The following ABCB4 variants were observed in gnomAD, a reference collection of about 807,000 sequenced individuals.
The protein encoded by ABCB4 is ATP binding cassette subfamily B member 4, also known as phosphatidylcholine translocator ABCB4.
Under a neutral mutation model 145.7 loss-of-function variants are expected in ABCB4, and 76 were observed. The observed-to-expected ratio is 0.52, with a 90% confidence interval of 0.43 to 0.63. The LOEUF (loss-of-function observed/expected upper bound fraction) is 0.63, where lower values mean the gene tolerates loss of function less well. ABCB4 is among the 30% of genes least tolerant of loss of function. The pLI is 0.00. For missense variants in ABCB4, 1,234 were observed against 1,553.1 expected, an observed-to-expected ratio of 0.79 and a Z score of 3.45; for synonymous variants, 517 against 566.8, an observed-to-expected ratio of 0.91 and a Z score of 1.25.
chr7:87,408,121 T>C lies in ABCB4; in HGVS notation c.3195A>G (p.Leu1065=). 1 of 1,614,250 alleles carries C rather than the reference T, an allele frequency of 6.2e-7. No homozygotes were observed. Residue 1065 remains leucine (L), a synonymous_variant, in exon 25 of 28, where the codon CTA becomes CTG. Transcript: ENST00000649586. ...LSLEVKKGQT[L]ALVGSSGCGK... ...CACAGCCACTGCTGCCCACCAGGGC[T>C]AGTGTCTGGCCTTTCTTCACCTCCA...
the ABCB4 span, chr7:87,369,762 T>C: frequency 7.6e-4 from 120 of 157,972 alleles, no homozygotes; most frequent in Middle Eastern, 3.2e-3. Flanking sequence ...TAGTTTAGTG[T>C]GTTCCATTGT....
the ABCB4 span, among the ~76,000 whole-genome samples, chr7:87,388,394 A>C: frequency 2.0e-5 from 3 of 152,230 alleles, no homozygotes; most frequent in African/African-American, 7.2e-5. Flanking sequence ...GGCTACAGTA[A>C]CCAAAACAGC....
At chr7:87,389,089 G>A in the ABCB4 span, among the ~76,000 whole-genome samples, 175 of 152,344 alleles carry the variant, frequency 1.1e-3, 1 homozygote, top group Non-Finnish European at 9.0e-4. Flanking sequence ...TCTTATGCCA[G>A]TTAGAATGGC....
intron 6 of ABCB4, 80 bp downstream of exon 6, chr7:87,452,864 T>G: frequency 6.7e-7 from 1 of 1,487,586 alleles, no homozygotes; most frequent in South Asian, 1.1e-5. Flanking sequence ...GTAACATTTT[T>G]CATTTAAAAT....
At chr7:87,398,529 T>A, downstream of ABCB4, 1 of 1,613,730 alleles carries the variant, frequency 6.2e-7, no homozygotes, top group Non-Finnish European at 8.5e-7. Flanking sequence ...CACAGGTTTG[T>A]TGTGGCCTGT....
At chr7:87,408,001 A>G in intron 25 of ABCB4, 36 bp downstream of exon 25, 4 of 1,610,840 alleles carry the variant, frequency 2.5e-6, no homozygotes, top group Non-Finnish European at 3.4e-6. Context: ...CAATTAAAAT[A>G]TAGCCTTCAA....
intron 3 of ABCB4, among the ~76,000 whole-genome samples, chr7:87,471,055 C>A (rs1394526130): frequency 6.6e-6 from 1 of 152,114 alleles, no homozygotes; most frequent in Non-Finnish European, 1.5e-5. Context: ...ATGATGAGTT[C>A]ATGTCCTTTG....
At position 87,453,415 on chromosome 7, in the gene ABCB4, C is replaced by G. The variant is rs535483317; in HGVS notation, c.345-280G>C. Among the ~76,000 whole-genome samples the G allele has an allele frequency of 3.3e-5, 5 of 152,168 alleles. No homozygotes were observed. The East Asian group carries it at 9.6e-4, about 29-fold the overall frequency. ...GCCAGGCTGGTCTCGAACTCCTGAC[C>G]TCAAGTGATCTGCTCACCTCCGCCT... On this transcript the variant is annotated intron_variant, in intron 5 of 27. Transcript: ENST00000649586.
intron 11 of ABCB4, 82 bp downstream of exon 11, chr7:87,443,581 C>G (rs1397363343): frequency 6.5e-7 from 1 of 1,527,138 alleles, no homozygotes; most frequent in Non-Finnish European, 9.0e-7. Context: ...ACATAAGTAT[C>G]AAAATAATAG....
At chr7:87,409,474 C>G in intron 23 of ABCB4, 82 bp from the exon 24 acceptor site, 1 of 1,442,216 alleles carries the variant, frequency 6.9e-7, no homozygotes, top group South Asian at 1.2e-5. Flanking sequence ...ATAGTGCTTA[C>G]CAGTATTTTT....
At chr7:87,439,975 A>G in intron 13 of ABCB4, 138 bp from the exon 14 acceptor site, 3 of 1,294,692 alleles carry the variant, frequency 2.3e-6, no homozygotes, top group Non-Finnish European at 3.2e-6. Context: ...AAGATAAATG[A>G]ATTCTGAATT....
At chr7:87,461,688 G>C (rs1318867107) in intron 4 of ABCB4, among the ~76,000 whole-genome samples, 1 of 152,050 alleles carries the variant, frequency 6.6e-6, no homozygotes. Flanking sequence ...TTTTATAGGA[G>C]TTTGCTTTAA....
In ABCB4 at chr7:87,406,404, A is replaced by G; in HGVS notation, c.3370T>C (p.Cys1124Arg). The G allele has an allele frequency of 6.2e-7, 1 of 1,614,152 alleles. No individual in the cohort carries two copies. The highest frequency in any genetic ancestry group is 1.1e-5 in the South Asian group (1 of 91,064). ...IVSQEPILFD[C>R]SIAENIAYGD... is the part of the protein sequence containing the mutation. ...TAGGCAATATTCTCGGCAATGCTGC[A>G]GTCAAATAGGATAGGCTCCTGAGAC... The change falls in exon 26 of 28, where the codon TGC becomes CGC. Residue 1124 changes from cysteine (C) to arginine (R), a missense_variant. Transcript: ENST00000649586.
chr7:87,445,691 T>C (rs1382386477), intron 9 of ABCB4, among the ~76,000 whole-genome samples: 1 of 152,220 alleles, frequency 6.6e-6, no homozygotes, highest in Admixed American at 6.5e-5. Context: ...TAATTTGGCT[T>C]TTCTCAAAAC....
rs536437775 is a variant in ABCB4, at chr7:87,418,477, T to C, written c.2478+60A>G. 1,313 of 1,458,620 alleles carry C rather than the reference T, an allele frequency of 9.0e-4. 22 individuals carry two copies. In the South Asian group the frequency reaches 0.014, roughly 16 times the overall value. 90.4% of individuals were successfully genotyped at this position (1,458,620 alleles called of 1,614,324 possible). On this transcript the variant is annotated intron_variant, in intron 20 of 27. Coordinates refer to ENST00000649586, the MANE Select transcript of ABCB4 (RefSeq NM_000443.4). ...AGCATCTTAACAAGTGTGGGTATGC[T>C]ACATGCTTATCTAAAACCATGTTAT...
intron 19 of ABCB4, among the ~76,000 whole-genome samples, 194 bp downstream of exon 19, chr7:87,419,803 CA>C (rs375378290): frequency 5.9e-5 from 8 of 135,058 alleles, no homozygotes; most frequent in Non-Finnish European, 6.5e-5. Context: ...AAAACAAAAA[CA>C]AAAAAAAAAC....
Position 87,417,377 on chromosome 7 carries a change from C to A in ABCB4, c.2617G>T (p.Val873Phe). Residue 873 changes from valine (V) to phenylalanine (F), a missense_variant, in exon 21 of 28, where the codon GTT becomes TTT. Val to Phe is a conservative substitution (Grantham distance 50). Around this residue, in one of 7 missense-constraint regions of ABCB4, gnomAD observed 301 missense variants for 389.0 expected, o/e 0.77. Transcript: ENST00000649586. Reference sequence around the variant, plus strand: ...TTTCCAGCCAACAATTTCATTTCAACAATTCCTGACACAGCAATAATTGGA... The same window carrying A: ...TTTCCAGCCAACAATTTCATTTCAAAAATTCCTGACACAGCAATAATTGGA... ...VVPIIAVSGI[V>F]EMKLLAGNAK... 6.2e-7 allele frequency: 1 copy of A among 1,614,116 alleles called. No homozygotes were observed. The highest frequency in any genetic ancestry group is 8.5e-7 in the Non-Finnish European group (1 of 1,180,002).
intron 14 of ABCB4, 138 bp from the exon 15 acceptor site, chr7:87,431,703 T>C: frequency 8.3e-7 from 1 of 1,200,112 alleles, no homozygotes; most frequent in Non-Finnish European, 1.2e-6. Flanking sequence ...TGCGTGATTA[T>C]GGCAAAGGCA....
chr7:87,381,529 C>T, the ABCB4 span, among the ~76,000 whole-genome samples: 1 of 152,338 alleles, frequency 6.6e-6, no homozygotes, highest in South Asian at 2.1e-4. Flanking sequence ...TTGCCATCCC[C>T]ATCTGCTTTT....
Sources: gnomAD v4.1 joint callset for allele counts (sites outside exome capture counted in the v4.1 genomes callset) on GRCh38, gnomAD v4.1.1 for gene constraint, gnomAD v4.1.1 regional missense constraint, MANE v1.5 for transcripts, NCBI Gene and HGNC (gene_info 2026-07-23, HGNC 2026-07-21) for gene names.